Variants in OSBPL9 observed in about 807,000 individuals in gnomAD.
OSBPL9 encodes the protein oxysterol binding protein like 9.
In OSBPL9, 40 loss-of-function variants were observed where a neutral mutation model predicts 106.6. The observed-to-expected ratio is 0.38, with a 90% CI of 0.29 to 0.49. The LOEUF is 0.49. Among genes scored for constraint, OSBPL9 ranks in the 20% least tolerant of loss-of-function variants. The probability of loss-of-function intolerance (pLI) is 0.97; values close to 1 mark genes in which losing one functional copy is unlikely to be tolerated. For missense variants in OSBPL9, 609 were observed against 887.2 expected, an observed-to-expected ratio of 0.69 and a Z score of 3.98; for synonymous variants, 269 against 295.4, an observed-to-expected ratio of 0.91 and a Z score of 0.92.
chr1:51,686,148 T>C (rs957480519), intron 3 of OSBPL9, among the ~76,000 whole-genome samples: 1 of 152,186 alleles, frequency 6.6e-6, no homozygotes, highest in Non-Finnish European at 1.5e-5. Context: ...CTCTGGTGCA[T>C]AAAAATGGGG....
At chr1:51,746,559 GA>G (rs1041335968) in intron 5 of OSBPL9, 150 bp from the exon 6 acceptor site, 62 of 515,392 alleles carry the variant, frequency 1.2e-4, no homozygotes, top group Middle Eastern at 4.4e-4. Context: ...TTGAGTGCTC[GA>G]AAAAAAATAC....
chr1:51,543,516 C>A, the OSBPL9 span, among the ~76,000 whole-genome samples: 1 of 152,314 alleles, frequency 6.6e-6, no homozygotes. Flanking sequence ...CTGCCTCAGC[C>A]TCCTGGGTAG....
In OSBPL9 at chr1:51,723,180, T is replaced by C. The variant is rs115915318; in HGVS notation, c.318+9101T>C. 7.5e-3 allele frequency among the ~76,000 whole-genome samples: 1,145 copies of C among 152,346 alleles called. 6 individuals are homozygous for C. The highest frequency in any genetic ancestry group is 0.012 in the Non-Finnish European group (833 of 68,036). ...TATCACTCAAGGTCCGTAGTTTACA[T>C]TAGAGTCCACTCTTGGTGTTGTGTA... On this transcript the variant is annotated intron_variant, in intron 4 of 23. Transcript: ENST00000428468.
intron 1 of OSBPL9, among the ~76,000 whole-genome samples, chr1:51,595,773 G>C (rs116116372): frequency 6.6e-6 from 1 of 152,044 alleles, no homozygotes; most frequent in Non-Finnish European, 1.5e-5. Context: ...CTTAAGAGGC[G>C]TATCATTTAA....
intron 4 of OSBPL9, among the ~76,000 whole-genome samples, chr1:51,733,194 C>G (rs992993625): frequency 6.6e-6 from 1 of 152,204 alleles, no homozygotes; most frequent in African/African-American, 2.4e-5. Flanking sequence ...ATATGTGATT[C>G]TTGCATTAAA....
upstream of OSBPL9, chr1:51,577,071 C>G (rs1182757428): frequency 6.6e-6 from 1 of 152,096 alleles, no homozygotes; most frequent in Admixed American, 6.6e-5. Context: ...TCTGAGTTTG[C>G]TCTGAGATCT....
chr1:51,662,637 C>T (rs187556029), intron 2 of OSBPL9, among the ~76,000 whole-genome samples: 2 of 151,568 alleles, frequency 1.3e-5, no homozygotes, highest in African/African-American at 2.4e-5. Context: ...GCAACTTAAT[C>T]GAGCATATGG....
At chr1:51,642,871 C>G (rs960687535) in intron 1 of OSBPL9, among the ~76,000 whole-genome samples, 3 of 152,122 alleles carry the variant, frequency 2.0e-5, no homozygotes, top group Non-Finnish European at 4.4e-5. Context: ...TTATGGCATG[C>G]AGAAATGTTG....
intron 3 of OSBPL9, among the ~76,000 whole-genome samples, chr1:51,672,505 C>T (rs1184687014): frequency 5.9e-5 from 9 of 152,126 alleles, no homozygotes; most frequent in Admixed American, 3.3e-4. Flanking sequence ...CCCCAGCCCC[C>T]GGCCCCAGGC....
In OSBPL9 at chr1:51,729,068, T is replaced by G. The variant is rs567085226; in HGVS notation, c.318+14989T>G. Among the ~76,000 whole-genome samples the G allele has an allele frequency of 1.3e-3, 199 of 152,314 alleles. 1 individual carries two copies. In the Middle Eastern group the frequency reaches 0.037, roughly 29 times the overall value. On this transcript the variant is annotated intron_variant, in intron 4 of 23. Coordinates refer to ENST00000428468, the MANE Select transcript of OSBPL9 (RefSeq NM_024586.6). This position sits in a 1 kb window ranked among gnomAD's most constrained non-coding sequence, Gnocchi z 5.1. ...GGGTGATTCTCTGTCGAGGTCCTCT[T>G]AAGTCCAGACTTTTGATATAATCTG...
intron 7 of OSBPL9, among the ~76,000 whole-genome samples, chr1:51,749,313 CTT>C (rs1468568919): frequency 4.0e-5 from 6 of 151,788 alleles, no homozygotes; most frequent in Non-Finnish European, 5.9e-5. Context: ...CCATCAAAGT[CTT>C]TTTATTTTTT....
intron 2 of OSBPL9, among the ~76,000 whole-genome samples, chr1:51,662,588 G>A (rs896619109): frequency 1.3e-5 from 2 of 152,074 alleles, no homozygotes; most frequent in African/African-American, 4.8e-5. Flanking sequence ...CATATAAGGT[G>A]TAAGGCTTGG....
At chr1:51,764,644 A>G (rs914530485) in intron 11 of OSBPL9, among the ~76,000 whole-genome samples, 1 of 150,256 alleles carries the variant, frequency 6.7e-6, no homozygotes, top group African/African-American at 2.5e-5. Context: ...ATGCAATGGC[A>G]CAAACACAAC....
chr1:51,787,329 G>C, intron 22 of OSBPL9, 24 bp from the exon 23 acceptor site: 1 of 1,606,792 alleles, frequency 6.2e-7, no homozygotes, highest in African/African-American at 1.3e-5. Context: ...AACATTGGCA[G>C]CTCCTCTTAC....
intron 3 of OSBPL9, among the ~76,000 whole-genome samples, chr1:51,686,244 T>C (rs908249559): frequency 1.3e-5 from 2 of 152,108 alleles, no homozygotes; most frequent in Non-Finnish European, 2.9e-5. Flanking sequence ...ACTTAAAAAG[T>C]AGGTATTTTT....
intron 1 of OSBPL9, among the ~76,000 whole-genome samples, chr1:51,643,018 T>G (rs1233770448): frequency 6.6e-6 from 1 of 152,166 alleles, no homozygotes; most frequent in Non-Finnish European, 1.5e-5. Flanking sequence ...TGGCTCATGG[T>G]TTTAGCAGCT....
the OSBPL9 span, among the ~76,000 whole-genome samples, chr1:51,527,327 A>G: frequency 2.1e-4 from 29 of 140,364 alleles, no homozygotes; most frequent in Admixed American, 6.1e-4. Flanking sequence ...TCCAATGATG[A>G]TGGTGATGAT....
At chr1:51,760,634 G>A in intron 9 of OSBPL9, 56 bp from the exon 10 acceptor site, 1 of 1,609,000 alleles carries the variant, frequency 6.2e-7, no homozygotes, top group Non-Finnish European at 8.5e-7. Flanking sequence ...ATTTGGGAGG[G>A]TAGCATGAGA....
chr1:51,634,663 G>A (rs947928529), intron 1 of OSBPL9, among the ~76,000 whole-genome samples: 2 of 152,222 alleles, frequency 1.3e-5, no homozygotes, highest in African/African-American at 2.4e-5. Context: ...GGGTTGTGGG[G>A]AAGGGGTTGC....
Sources: allele counts gnomAD v4.1 joint callset (sites outside exome capture counted in the v4.1 genomes callset), GRCh38; gene constraint gnomAD v4.1.1; non-coding constraint Gnocchi (gnomAD v3.1); transcripts MANE v1.5; gene names NCBI Gene and HGNC (gene_info 2026-07-23, HGNC 2026-07-21).